The following MNS1 variants were observed in gnomAD, a reference collection of about 807,000 sequenced individuals.
MNS1 encodes meiosis-specific nuclear structural protein 1.
MNS1 carries 63 observed loss-of-function variants against 72.0 expected under a neutral mutation model. The ratio of observed to expected loss-of-function variants is 0.87; its 90% CI spans 0.71 to 1.08. MNS1 has a LOEUF of 1.08. MNS1 is among the 50% of genes least tolerant of loss of function. MNS1 has a pLI of 0.00. For synonymous variants in MNS1, 188 were observed against 172.1 expected, an observed-to-expected ratio of 1.09 and a Z score of -0.72; for missense variants, 604 against 562.4, an observed-to-expected ratio of 1.07 and a Z score of -0.75.
intron 2 of MNS1, 23 bp downstream of exon 2, chr15:56,464,003 T>C (rs1406512898): frequency 1.3e-6 from 2 of 1,567,752 alleles, no homozygotes. Flanking sequence ...AAAAAAAAAG[T>C]AACAATGAAT....
intron 3 of MNS1, among the ~76,000 whole-genome samples, chr15:56,450,005 TTATTTGTTC>T (rs2050937438): frequency 6.6e-6 from 1 of 152,164 alleles, no homozygotes; most frequent in Non-Finnish European, 1.5e-5. Context: ...GTTCTTGGCT[TTATTTGTTC>T]TACTTTATGT....
rs1555449152 is a variant in MNS1, at chr15:56,446,844, T to TTG, written c.451_452dup (p.Gln151HisfsTer3). ...TAATGACCAGAAACATGATTACCAT[T>TTG]TGTTCATATTTAATGGCATCCTTTT... is the stretch of plus-strand genomic sequence containing the variant. On this transcript the variant is annotated frameshift_variant, in exon 4 of 10. Transcript: ENST00000260453. LOFTEE classifies it high-confidence loss of function. 2 of 1,596,786 alleles carry TTG rather than the reference T, an allele frequency of 1.3e-6. No individual in the cohort carries two copies. Among genetic ancestry groups the TTG allele is most frequent in the Non-Finnish European group, 1.7e-6 (2 of 1,167,052 alleles).
At chr15:56,444,394 T>A (rs761536915) in intron 5 of MNS1, 50 bp downstream of exon 5, 2 of 1,479,358 alleles carry the variant, frequency 1.4e-6, no homozygotes, top group Admixed American at 4.0e-5. Flanking sequence ...AAACCTGTGA[T>A]ATATCTAAAG....
intron 3 of MNS1, among the ~76,000 whole-genome samples, chr15:56,448,020 T>TCCCTGA (rs2050920589): frequency 6.6e-6 from 1 of 152,226 alleles, no homozygotes; most frequent in Non-Finnish European, 1.5e-5. Context: ...ATTATAGATA[T>TCCCTGA]CCACTCGCAT....
rs2140376781 is a variant in MNS1 at position 56,456,494 on chromosome 15, G to A, written c.253C>T (p.Leu85Phe). Residue 85 changes from leucine (L) to phenylalanine (F), a missense_variant, in exon 3 of 10, where the codon CTC (leucine) becomes TTC (phenylalanine). Leu to Phe is a conservative substitution (Grantham distance 22). Transcript: ENST00000260453. ...AGTTTTTCTTCTTGTTTGAGCTGGA[G>A]TTCTTTCAATCTCTTGTTTTCTTCT... ...KAEENKRLKE[L>F]QLKQEEKLAM... is the part of the protein sequence containing the mutation. 6.2e-7 allele frequency: 1 copy of A among 1,611,340 alleles called. No individual in the cohort carries two copies.
At chr15:56,435,882 G>T (rs1316876818) in intron 7 of MNS1, among the ~76,000 whole-genome samples, 1 of 151,936 alleles carries the variant, frequency 6.6e-6, no homozygotes, top group East Asian at 1.9e-4. Flanking sequence ...CGTGAATATG[G>T]ATGCACAAAT....
intron 7 of MNS1, among the ~76,000 whole-genome samples, chr15:56,442,393 T>C (rs2050830961): frequency 6.6e-6 from 1 of 152,148 alleles, no homozygotes; most frequent in Non-Finnish European, 1.5e-5. Context: ...GCTGGGTATA[T>C]ACCCAAAGGA....
In MNS1 at chr15:56,453,923, A is replaced by G. The variant is rs369638949; in HGVS notation, c.353+2471T>C. On this transcript the variant is annotated intron_variant, in intron 3 of 9. Coordinates refer to ENST00000260453, the MANE Select transcript of MNS1 (RefSeq NM_018365.4). ...TACATTAAAAAAGCTAAATCTTAAT[A>G]TAGGTGATTTTAAATAAATTAGGAC... Among the ~76,000 whole-genome samples, 102 of 152,282 alleles carry G rather than the reference A, an allele frequency of 6.7e-4. 3 individuals carry two copies. In the South Asian group the frequency reaches 0.021, roughly 32 times the overall value.
intron 5 of MNS1, 114 bp downstream of exon 5, chr15:56,444,330 T>C (rs2050870446): frequency 2.5e-6 from 2 of 790,328 alleles, no homozygotes; most frequent in East Asian, 5.4e-5. Flanking sequence ...CTAGTATTTA[T>C]TGAGCACTTA....
Position 56,428,726 on chromosome 15 carries a change from TA to T in MNS1, c.*374del. On this transcript the variant is annotated 3_prime_UTR_variant, in exon 10 of 10. Transcript: ENST00000260453. ...TTACAGTAGACCAAAAAAGATGCTTTAAAAGAAAATTCCAAATATTTATTTC... is the reference window on the plus strand; with the variant it reads ...TTACAGTAGACCAAAAAAGATGCTTTAAAGAAAATTCCAAATATTTATTTC... 1 of 355,262 alleles carries T rather than the reference TA, an allele frequency of 2.8e-6. No individual in the cohort carries two copies. Among genetic ancestry groups the T allele is most frequent in the South Asian group, 6.9e-5 (1 of 14,440 alleles). 22.0% of individuals were successfully genotyped at this position (355,262 alleles called of 1,614,324 possible).
intron 2 of MNS1, among the ~76,000 whole-genome samples, chr15:56,461,975 G>GTTTTTTTTTTTTTTTTTTTTTTTTTTTTT (rs56022687): frequency 1.0e-5 from 1 of 97,916 alleles, no homozygotes; most frequent in Non-Finnish European, 2.1e-5. Context: ...TTTTGTTGTT[G>GTTTTTTTTTTTTTTTTTTTTTTTTTTTTT]TTTTTTTTTT....
intron 2 of MNS1, among the ~76,000 whole-genome samples, 181 bp from the exon 3 acceptor site, chr15:56,456,702 T>G (rs2050983879): frequency 6.6e-6 from 1 of 152,136 alleles, no homozygotes; most frequent in Non-Finnish European, 1.5e-5. Context: ...CATGGAAAAT[T>G]TCAAGTATTG....
intron 7 of MNS1, among the ~76,000 whole-genome samples, chr15:56,438,491 A>G (rs1400663119): frequency 1.3e-5 from 2 of 152,164 alleles, no homozygotes; most frequent in Non-Finnish European, 2.9e-5. Flanking sequence ...ACAAAAATTA[A>G]TTCAGGATGG....
At chr15:56,447,625 A>G (rs1567152382) in intron 3 of MNS1, 1 of 152,216 alleles carries the variant, frequency 6.6e-6, no homozygotes, top group East Asian at 1.9e-4. Context: ...ACCCAACAAT[A>G]TCACTGAATA....
At chr15:56,459,025 T>A (rs4774239) in intron 2 of MNS1, among the ~76,000 whole-genome samples, 45,526 of 152,176 alleles carry the variant, frequency 0.3, 7,281 homozygotes, top group Middle Eastern at 0.48. Flanking sequence ...TGTGTGTACA[T>A]TTGTGTGTGG....
At chr15:56,445,065 C>T (rs900725733) in intron 4 of MNS1, among the ~76,000 whole-genome samples, 4 of 152,020 alleles carry the variant, frequency 2.6e-5, no homozygotes, top group Non-Finnish European at 5.9e-5. Flanking sequence ...TGTTTATCAG[C>T]TGCTATTTAA....
chr15:56,440,926 A>G (rs759920839), intron 7 of MNS1, among the ~76,000 whole-genome samples: 7 of 152,126 alleles, frequency 4.6e-5, no homozygotes, highest in African/African-American at 7.2e-5. Flanking sequence ...CTTTTAGACT[A>G]TTGTGAATAA....
At chr15:56,463,059 G>A (rs756004553) in intron 2 of MNS1, among the ~76,000 whole-genome samples, 29 of 152,022 alleles carry the variant, frequency 1.9e-4, no homozygotes, top group Admixed American at 2.6e-4. Context: ...CCTCCAAAAT[G>A]TTTAACATAC....
intron 8 of MNS1, 40 bp downstream of exon 8, chr15:56,434,098 T>G: frequency 6.3e-7 from 1 of 1,588,340 alleles, no homozygotes; most frequent in South Asian, 1.2e-5. Context: ...TATTGCTGTT[T>G]AATGATAATG....
Sources: gnomAD v4.1 joint callset for allele counts (sites outside exome capture counted in the v4.1 genomes callset) on GRCh38, gnomAD v4.1.1 for gene constraint, MANE v1.5 for transcripts, NCBI Gene and HGNC (gene_info 2026-07-23, HGNC 2026-07-21) for gene names.